The following LPIN2 variants were observed in gnomAD, a reference collection of about 807,000 sequenced individuals.
The protein encoded by LPIN2 is phosphatidate phosphatase LPIN2.
In LPIN2, 55 loss-of-function variants were observed where a neutral mutation model predicts 111.4. The ratio of observed to expected loss-of-function variants is 0.49; its 90% CI spans 0.40 to 0.62. The LOEUF (loss-of-function observed/expected upper bound fraction) is 0.62, where lower values mean the gene tolerates loss of function less well. Among genes scored for constraint, LPIN2 ranks in the 20% least tolerant of loss-of-function variants. LPIN2 has a pLI of 0.00. For synonymous variants in LPIN2, 425 were observed against 414.0 expected, an observed-to-expected ratio of 1.03 and a Z score of -0.32; for missense variants, 992 against 1,112.1, an observed-to-expected ratio of 0.89 and a Z score of 1.54.
chr18:2,924,343 C>CCCCT, intron 15 of LPIN2, 55 bp downstream of exon 15: 2 of 1,609,468 alleles, frequency 1.2e-6, no homozygotes, highest in Non-Finnish European at 1.7e-6. Flanking sequence ...ACACTGCCTG[C>CCCCT]CCCTCCCTGA....
intron 19 of LPIN2, 115 bp from the exon 20 acceptor site, chr18:2,920,552 C>A (rs555990335): frequency 4.0e-5 from 46 of 1,146,390 alleles, no homozygotes; most frequent in Non-Finnish European, 5.9e-5. Context: ...GGTTCAGAGG[C>A]AGGCCTCAGT....
chr18:2,960,945 G>C, intron 1 of LPIN2, 96 bp from the exon 2 acceptor site: 1 of 958,830 alleles, frequency 1.0e-6, no homozygotes, highest in Non-Finnish European at 1.6e-6. Flanking sequence ...CTACTCACTT[G>C]TATGCCAGAT....
chr18:3,004,020 T>C (rs1055327895), intron 1 of LPIN2, among the ~76,000 whole-genome samples: 10 of 151,978 alleles, frequency 6.6e-5, no homozygotes, highest in Non-Finnish European at 8.8e-5. Flanking sequence ...CTTATGCAGT[T>C]GAGATAAGGA....
intron 1 of LPIN2, among the ~76,000 whole-genome samples, chr18:2,970,089 G>A (rs1946425830): frequency 6.6e-6 from 1 of 152,182 alleles, no homozygotes; most frequent in African/African-American, 2.4e-5. Flanking sequence ...GCTTGCCTAA[G>A]GACCCCTTCC....
chr18:2,987,302 T>C lies in LPIN2; in HGVS notation c.-10+25785A>G, dbSNP rs562048763. ...CAACACTGAGGCCAAGTGAAGGTGC[T>C]GGAAGAAGCCAGTGCTGGGTTCCTA... On this transcript the variant is annotated intron_variant, in intron 1 of 19. Coordinates refer to ENST00000677752, the MANE Select transcript of LPIN2 (RefSeq NM_001375808.2). Among the ~76,000 whole-genome samples the C allele has an allele frequency of 1.2e-4, 19 of 152,290 alleles. No individual in the cohort carries two copies. In the South Asian group the frequency reaches 3.7e-3, roughly 30 times the overall value.
intron 1 of LPIN2, among the ~76,000 whole-genome samples, chr18:3,001,541 CGTGT>C (rs1353020483): frequency 6.6e-5 from 10 of 151,766 alleles, no homozygotes; most frequent in African/African-American, 2.2e-4. Flanking sequence ...AAGAATTGTG[CGTGT>C]GAGAGGAGGG....
At chr18:2,989,303 C>G (rs953254948) in intron 1 of LPIN2, among the ~76,000 whole-genome samples, 2 of 151,398 alleles carry the variant, frequency 1.3e-5, no homozygotes, top group African/African-American at 4.9e-5. Flanking sequence ...TTATGCAATG[C>G]ATCTAAAAGA....
chr18:2,921,668 C>A (rs751664993), intron 17 of LPIN2, 21 bp from the exon 18 acceptor site: 1 of 1,511,724 alleles, frequency 6.6e-7, no homozygotes. Flanking sequence ...AATACAAATA[C>A]AATCACCAAT....
At chr18:2,944,909 T>A (rs2077426562) in intron 4 of LPIN2, among the ~76,000 whole-genome samples, 1 of 152,194 alleles carries the variant, frequency 6.6e-6, no homozygotes, top group South Asian at 2.1e-4. Context: ...TACTCTTACA[T>A]CATACTGCTT....
At chr18:2,942,632 G>T (rs1264387289) in intron 4 of LPIN2, among the ~76,000 whole-genome samples, 4 of 152,216 alleles carry the variant, frequency 2.6e-5, no homozygotes, top group Non-Finnish European at 2.9e-5. Flanking sequence ...AAGACAAGAG[G>T]TGGCCTTTTT....
intron 1 of LPIN2, among the ~76,000 whole-genome samples, chr18:3,005,252 AG>A (rs1234768053): frequency 2.0e-5 from 3 of 152,040 alleles, no homozygotes; most frequent in South Asian, 2.1e-4. Flanking sequence ...AGGGAAGCCA[AG>A]GCAGGAGAAT....
Position 2,917,422 on chromosome 18 carries a change from A to ATTCT in LPIN2, c.*2867_*2870dup, listed in dbSNP as rs1407055177. 2 of 152,154 alleles carry ATTCT rather than the reference A, an allele frequency of 1.3e-5. No homozygotes were observed. Among genetic ancestry groups the ATTCT allele is most frequent in the Non-Finnish European group, 1.5e-5 (1 of 68,018 alleles). 9.4% of individuals were successfully genotyped at this position (152,154 alleles called of 1,614,324 possible). On this transcript the variant is annotated 3_prime_UTR_variant, in exon 20 of 20. Coordinates refer to ENST00000677752, the MANE Select transcript of LPIN2 (RefSeq NM_001375808.2). ...AGTGAAAGAGCTGACTTCCTTGTTT[A>ATTCT]TTCTTTAAAGGGTTGGCCTGCACCT... is the stretch of plus-strand genomic sequence containing the variant.
At chr18:2,944,232 A>G (rs896692352) in intron 4 of LPIN2, among the ~76,000 whole-genome samples, 1 of 138,228 alleles carries the variant, frequency 7.2e-6, no homozygotes, top group Non-Finnish European at 1.5e-5. Flanking sequence ...TCATGACTTT[A>G]AAAAAAAAAA....
chr18:3,012,835 G>C (rs956071290), intron 1 of LPIN2, among the ~76,000 whole-genome samples: 21 of 151,792 alleles, frequency 1.4e-4, no homozygotes, highest in African/African-American at 4.8e-4. Flanking sequence ...CACCCCGCCG[G>C]TCCGTCCTGC....
intron 1 of LPIN2, among the ~76,000 whole-genome samples, chr18:2,977,605 A>C (rs1567849470): frequency 1.3e-5 from 2 of 152,322 alleles, no homozygotes; most frequent in South Asian, 4.1e-4. Context: ...AAATGCTCAA[A>C]ATCAAAAGAG....
At chr18:2,980,091 A>T (rs1211724209) in intron 1 of LPIN2, among the ~76,000 whole-genome samples, 1 of 152,182 alleles carries the variant, frequency 6.6e-6, no homozygotes, top group Admixed American at 6.5e-5. Flanking sequence ...GTTACTAGCT[A>T]TGGAGAGTGG....
rs750723901 is a variant in LPIN2 at position 2,917,952 on chromosome 18, A to C, written c.*2341T>G. On this transcript the variant is annotated 3_prime_UTR_variant, in exon 20 of 20. Transcript: ENST00000677752. ...ATCCTAAGGGTTTGTGTACAAACAC[A>C]CTCGAGGGCATCTCTTTCACAGAAA... 6.6e-6 allele frequency: 1 copy of C among 152,184 alleles called. No individual in the cohort carries two copies. Among genetic ancestry groups the C allele is most frequent in the Non-Finnish European group, 1.5e-5 (1 of 68,032 alleles). The allele number at this position is 152,184 out of a possible 1,614,324, so 9.4% of individuals were successfully genotyped here.
intron 1 of LPIN2, chr18:2,991,079 GA>G: frequency 1.8e-6 from 1 of 549,670 alleles, no homozygotes; most frequent in East Asian, 4.5e-5. Flanking sequence ...CGAGCAGACA[GA>G]AAGGATAGAG....
intron 1 of LPIN2, among the ~76,000 whole-genome samples, chr18:2,993,675 A>G (rs1248824520): frequency 6.6e-6 from 1 of 152,220 alleles, no homozygotes; most frequent in Non-Finnish European, 1.5e-5. Context: ...CCTTCAGTCA[A>G]AAATTACACT....
Sources: allele counts gnomAD v4.1 joint callset (sites outside exome capture counted in the v4.1 genomes callset), GRCh38; gene constraint gnomAD v4.1.1; transcripts MANE v1.5; gene names NCBI Gene and HGNC (gene_info 2026-07-23, HGNC 2026-07-21).